The following SELENOT variants were observed in gnomAD, a reference collection of about 807,000 sequenced individuals.
SELENOT encodes the protein thioredoxin reductase-like selenoprotein T.
SELENOT carries 9 observed loss-of-function variants against 24.3 expected under a neutral mutation model. The observed-to-expected ratio is 0.37, with a 90% CI of 0.22 to 0.65. The LOEUF (loss-of-function observed/expected upper bound fraction) is 0.65, where lower values mean the gene tolerates loss of function less well. Ranked by LOEUF, SELENOT falls within the 30% of genes least tolerant of loss-of-function variation. The probability of loss-of-function intolerance (pLI) is 0.60; values close to 1 mark genes in which losing one functional copy is unlikely to be tolerated. For missense variants in SELENOT, 166 were observed against 247.6 expected (o/e 0.67, Z 2.21); for synonymous variants, 81 against 86.0 (o/e 0.94, Z 0.32).
chr3:150,614,822 T>C (rs190707593), intron 1 of SELENOT, among the ~76,000 whole-genome samples: 1 of 151,852 alleles, frequency 6.6e-6, no homozygotes, highest in Admixed American at 6.6e-5. Flanking sequence ...TTGTTAAAAT[T>C]GATTCTATAA....
intron 1 of SELENOT, chr3:150,611,914 C>T: frequency 1.0e-6 from 1 of 983,010 alleles, no homozygotes; most frequent in South Asian, 1.5e-5. Flanking sequence ...TGACAGAAAT[C>T]CCCACTCTCC....
Position 150,622,456 on chromosome 3 carries a change from G to C in SELENOT, c.209G>C (p.Arg70Pro). Residue 70 changes from arginine to proline, a missense_variant, in exon 2 of 6, where the codon CGC becomes CCC. Physicochemically the swap from Arg to Pro is moderately radical, Grantham distance 103 (BLOSUM62 -2). Around this residue, in one of 5 missense-constraint regions of SELENOT, gnomAD observed 71 missense variants for 89.2 expected, o/e 0.80. Coordinates refer to ENST00000471696, the MANE Select transcript of SELENOT (RefSeq NM_016275.5). Reference sequence around the variant, plus strand: ...ATTAGCCAGCGGTACCCAGACATCCGCATTGAAGGAGAGAATTACCTCCCT... The same window carrying C: ...ATTAGCCAGCGGTACCCAGACATCCCCATTGAAGGAGAGAATTACCTCCCT... Reference protein sequence around the residue: ...RVISQRYPDIRIEGENYLPQP... With the variant: ...RVISQRYPDIPIEGENYLPQP... 6.7e-7 allele frequency: 1 copy of C among 1,498,820 alleles called. No individual in the cohort carries two copies. 92.8% of individuals were successfully genotyped at this position (1,498,820 alleles called of 1,614,324 possible).
chr3:150,612,098 CTT>C (rs878978274), intron 1 of SELENOT, among the ~76,000 whole-genome samples: 4 of 144,870 alleles, frequency 2.8e-5, no homozygotes, highest in Admixed American at 6.9e-5. Flanking sequence ...GGGTCTTCAG[CTT>C]TTTTTTTTTT....
chr3:150,615,113 G>C (rs1321228218), intron 1 of SELENOT, among the ~76,000 whole-genome samples: 1 of 145,268 alleles, frequency 6.9e-6, no homozygotes, highest in Non-Finnish European at 1.5e-5. Flanking sequence ...AGAATATGCG[G>C]TGTTTGGTTT....
intron 1 of SELENOT, among the ~76,000 whole-genome samples, chr3:150,618,298 G>C (rs189086176): frequency 2.6e-5 from 4 of 152,328 alleles, no homozygotes; most frequent in Admixed American, 1.3e-4. Flanking sequence ...TGCGTGGATG[G>C]CTATTGTGAA....
At chr3:150,624,379 G>A (rs1271396785) in intron 3 of SELENOT, among the ~76,000 whole-genome samples, 1 of 152,156 alleles carries the variant, frequency 6.6e-6, no homozygotes, top group Admixed American at 6.5e-5. Context: ...CCTTTGAAAG[G>A]TGAATGAATG....
rs373720622 is a variant in SELENOT, at chr3:150,603,387, G to C, written c.25G>C (p.Val9Leu). The change falls in exon 1 of 6, where the codon GTG (valine) becomes CTG (leucine). Residue 9 changes from valine (V) to leucine (L), a missense_variant. Val to Leu is a conservative substitution (Grantham distance 32). Transcript: ENST00000471696. The part of the protein sequence containing the change: MRLLLLLL[V>L]AASAMVRSEA... ...GATGAGGCTTCTGCTGCTTCTCCTA[G>C]TGGCGGCGTCTGCGATGGTCCGGAG... 97 of 1,612,986 alleles carry C rather than the reference G, an allele frequency of 6.0e-5. No individual in the cohort carries two copies. The highest frequency in any genetic ancestry group is 9.9e-5 in the South Asian group (9 of 91,064).
At chr3:150,610,928 CTTG>C (rs1726071637) in intron 1 of SELENOT, among the ~76,000 whole-genome samples, 1 of 151,448 alleles carries the variant, frequency 6.6e-6, no homozygotes, top group African/African-American at 2.4e-5. Flanking sequence ...TGACCATTGT[CTTG>C]TTGGTCAGTG....
chr3:150,614,363 G>A (rs1187664374), intron 1 of SELENOT, among the ~76,000 whole-genome samples: 1 of 150,800 alleles, frequency 6.6e-6, no homozygotes, highest in Non-Finnish European at 1.5e-5. Context: ...TATACCTGAG[G>A]TTTCTTGATT....
Position 150,612,098 on chromosome 3 carries a change from CT to C in SELENOT, c.137+8612del, listed in dbSNP as rs878978274. ...GCTCACTGTTACATGGGGTCTTCAG[CT>C]TTTTTTTTTTTTGAGACAGAATCTC... is the stretch of plus-strand genomic sequence containing the variant. On this transcript the variant is annotated intron_variant, in intron 1 of 5. Coordinates refer to ENST00000471696, the MANE Select transcript of SELENOT (RefSeq NM_016275.5). Among the ~76,000 whole-genome samples, 1,324 of 144,642 alleles carry C rather than the reference CT, an allele frequency of 9.2e-3. 11 individuals are homozygous for C. Among genetic ancestry groups the C allele is most frequent in the African/African-American group, 0.025 (1,012 of 39,790 alleles). The allele number at this position is 144,642 out of a possible 152,430, so 94.9% of individuals were successfully genotyped here.
In SELENOT at chr3:150,609,385, T is replaced by C. The variant is rs1490974167; in HGVS notation, c.137+5886T>C. Reference sequence around the variant, plus strand: ...CTTTTTTTGAGACTGGGTCTCACTCTGTCACCCAGGCTGGAGTGCAGTGGT... The same window carrying C: ...CTTTTTTTGAGACTGGGTCTCACTCCGTCACCCAGGCTGGAGTGCAGTGGT... On this transcript the variant is annotated intron_variant, in intron 1 of 5. Transcript: ENST00000471696. Among the ~76,000 whole-genome samples, 3 of 152,204 alleles carry C rather than the reference T, an allele frequency of 2.0e-5. No homozygotes were observed. In the East Asian group the frequency reaches 5.8e-4, roughly 29 times the overall value.
rs895790056 is a variant in SELENOT at position 150,628,881 on chromosome 3, C to G, written c.*1252C>G. ...GTGATTTAGGAAAAGTTATAAGGTA[C>G]AGGTTGAGTATCCCTTTTCCAAAAA... On this transcript the variant is annotated 3_prime_UTR_variant, in exon 6 of 6. Coordinates refer to ENST00000471696, the MANE Select transcript of SELENOT (RefSeq NM_016275.5). 1 of 152,238 alleles carries G rather than the reference C, an allele frequency of 6.6e-6. No homozygotes were observed. Among genetic ancestry groups the G allele is most frequent in the South Asian group, 2.1e-4 (1 of 4,826 alleles). The allele number at this position is 152,238 out of a possible 1,614,324, so 9.4% of individuals were successfully genotyped here.
At chr3:150,618,464 A>G (rs929940387) in intron 1 of SELENOT, among the ~76,000 whole-genome samples, 5 of 152,330 alleles carry the variant, frequency 3.3e-5, no homozygotes, top group Admixed American at 6.5e-5. Context: ...TGATATAAGT[A>G]GGCATTTGAC....
chr3:150,603,335 G>A lies in SELENOT; in HGVS notation c.-28G>A, dbSNP rs375485266. 66 of 1,604,230 alleles carry A rather than the reference G, an allele frequency of 4.1e-5. No individual in the cohort carries two copies. In the East Asian group the frequency reaches 1.3e-3, roughly 31 times the overall value. On this transcript the variant is annotated 5_prime_UTR_variant, in exon 1 of 6. Coordinates refer to ENST00000471696, the MANE Select transcript of SELENOT (RefSeq NM_016275.5). The stretch of plus-strand genomic sequence containing the variant: ...TTGGGCTGGCTGCAGTCTGTCTGAG[G>A]GCGGCCGAAGTGGCTGGCTCATTTA...
Position 150,627,067 on chromosome 3 carries a change from T to C in SELENOT, c.521T>C (p.Val174Ala). The C allele has an allele frequency of 1.9e-6, 3 of 1,613,814 alleles. No homozygotes were observed. Among genetic ancestry groups the C allele is most frequent in the Non-Finnish European group, 2.5e-6 (3 of 1,179,780 alleles). ...SGHLPSMQQL[V>A]QILDNEMKLN... ...CACCTTCCATCCATGCAACAACTTG[T>C]TCAAATTCTTGACAATGAAATGAAG... Residue 174 changes from valine to alanine, a missense_variant, in exon 5 of 6, where the codon GTT becomes GCT. By Grantham distance (64) the Val-to-Ala change is moderately conservative. Transcript: ENST00000471696.
chr3:150,615,624 T>A (rs1726194549), intron 1 of SELENOT, among the ~76,000 whole-genome samples: 1 of 152,098 alleles, frequency 6.6e-6, no homozygotes, highest in Non-Finnish European at 1.5e-5. Context: ...ATAAAATACC[T>A]AGGAATCCAA....
intron 2 of SELENOT, 79 bp downstream of exon 2, chr3:150,622,574 C>A: frequency 1.7e-6 from 1 of 573,554 alleles, no homozygotes; most frequent in South Asian, 4.4e-5. Context: ...AATTAGCTGT[C>A]CTTAGTTATT....
intron 1 of SELENOT, among the ~76,000 whole-genome samples, chr3:150,614,037 A>C (rs922679566): frequency 3.9e-5 from 6 of 152,040 alleles, no homozygotes; most frequent in Admixed American, 3.3e-4. Flanking sequence ...AGGCTTTGGG[A>C]TCAAGAGAAG....
chr3:150,615,639 C>T (rs797015021), intron 1 of SELENOT, among the ~76,000 whole-genome samples: 2 of 150,314 alleles, frequency 1.3e-5, no homozygotes, highest in African/African-American at 2.5e-5. Context: ...ATCCAACTTA[C>T]AAGGGATGTG....
Sources: allele counts gnomAD v4.1 joint callset (sites outside exome capture counted in the v4.1 genomes callset), GRCh38; gene constraint gnomAD v4.1.1; regional missense constraint gnomAD v4.1.1; transcripts MANE v1.5; gene names NCBI Gene and HGNC (gene_info 2026-07-23, HGNC 2026-07-21).